NRXN3: variants seen among roughly 807,000 people sequenced by gnomAD.
NRXN3 encodes the protein neurexin III.
NRXN3 carries 32 observed loss-of-function variants against 137.6 expected under a neutral mutation model. That is an observed-to-expected ratio of 0.23 (90% CI 0.18 to 0.31). The LOEUF (loss-of-function observed/expected upper bound fraction) is 0.31, where lower values mean the gene tolerates loss of function less well. Ranked by LOEUF, NRXN3 falls within the 10% of genes least tolerant of loss-of-function variation. The probability of loss-of-function intolerance (pLI) is 1.00; values close to 1 mark genes in which losing one functional copy is unlikely to be tolerated. For synonymous variants in NRXN3, 798 were observed against 784.5 expected, an observed-to-expected ratio of 1.02 and a Z score of -0.29; for missense variants, 1,574 against 2,062.5, an observed-to-expected ratio of 0.76 and a Z score of 4.59.
At chr14:78,213,650 A>T (rs930053146) in intron 1 of NRXN3, among the ~76,000 whole-genome samples, 1 of 152,118 alleles carries the variant, frequency 6.6e-6, no homozygotes, top group Non-Finnish European at 1.5e-5. Flanking sequence ...AGTGGCCGCA[A>T]TGTGAATGCA....
chr14:78,410,063 T>C (rs574965705), intron 4 of NRXN3, among the ~76,000 whole-genome samples: 114 of 152,320 alleles, frequency 7.5e-4, no homozygotes, highest in African/African-American at 2.6e-3. Flanking sequence ...TAGGGGGAGA[T>C]ATAACAGTTA....
At chr14:79,549,704 G>A (rs192023644) in intron 16 of NRXN3, among the ~76,000 whole-genome samples, 161 of 152,122 alleles carry the variant, frequency 1.1e-3, no homozygotes, top group Non-Finnish European at 2.0e-3. Flanking sequence ...CTGGGTCCCC[G>A]GGGCCAGCAT....
intron 4 of NRXN3, among the ~76,000 whole-genome samples, chr14:78,529,827 CA>C (rs1281821188): frequency 2.0e-4 from 30 of 152,184 alleles, no homozygotes; most frequent in African/African-American, 7.0e-4. Flanking sequence ...ACCTTGCTAC[CA>C]CATGGCCTTT....
intron 15 of NRXN3, among the ~76,000 whole-genome samples, chr14:79,061,176 C>A (rs894101347): frequency 6.6e-6 from 1 of 152,162 alleles, no homozygotes; most frequent in East Asian, 1.9e-4. Flanking sequence ...GTGCTAAACA[C>A]TGGGGAGACA....
Position 79,865,925 on chromosome 14 carries a change from ACTC to A in NRXN3, c.*3967_*3969del, listed in dbSNP as rs1344062832. On this transcript the variant is annotated 3_prime_UTR_variant, in exon 21 of 21. Transcript: ENST00000335750. Reference sequence around the variant, plus strand: ...AATGCTGGGATTATAGGTGTGAGCCACTCCTCCTGAAATCTTTCTAAATCTCAC... The same window carrying A: ...AATGCTGGGATTATAGGTGTGAGCCACTCCTGAAATCTTTCTAAATCTCAC... 3 of 152,118 alleles carry A rather than the reference ACTC, an allele frequency of 2.0e-5. No homozygotes were observed. Among genetic ancestry groups the A allele is most frequent in the African/African-American group, 7.2e-5 (3 of 41,404 alleles). 9.4% of individuals were successfully genotyped at this position (152,118 alleles called of 1,614,324 possible). A position where few individuals can be genotyped will look rare whatever the true frequency, so the allele number is the denominator to read the frequency against.
chr14:79,714,026 C>T (rs2098815199), intron 19 of NRXN3, among the ~76,000 whole-genome samples: 1 of 151,998 alleles, frequency 6.6e-6, no homozygotes, highest in African/African-American at 2.4e-5. Flanking sequence ...GCTTTATCAC[C>T]ATAATATATT....
intron 15 of NRXN3, among the ~76,000 whole-genome samples, chr14:79,432,102 G>A (rs1157140677): frequency 1.7e-5 from 2 of 117,808 alleles, no homozygotes; most frequent in African/African-American, 6.5e-5. Context: ...GGGCCCCTCA[G>A]TGTAATATCT....
At chr14:79,575,118 CTGA>C (rs1277568510) in intron 16 of NRXN3, among the ~76,000 whole-genome samples, 1 of 152,132 alleles carries the variant, frequency 6.6e-6, no homozygotes, top group African/African-American at 2.4e-5. Context: ...TGCAATCCGT[CTGA>C]TAAGGGAAGT....
chr14:78,643,834 G>C (rs997267645), intron 4 of NRXN3, among the ~76,000 whole-genome samples: 2 of 152,274 alleles, frequency 1.3e-5, no homozygotes, highest in Non-Finnish European at 2.9e-5. Flanking sequence ...CAATATGTAT[G>C]GTTTGCCTTT....
chr14:78,972,693 G>A (rs2099447244), intron 14 of NRXN3, among the ~76,000 whole-genome samples: 1 of 152,082 alleles, frequency 6.6e-6, no homozygotes, highest in South Asian at 2.1e-4. Context: ...TGGTCTGCGC[G>A]TCCCCCTCTG....
At chr14:78,683,422 T>C (rs1287051429) in intron 6 of NRXN3, among the ~76,000 whole-genome samples, 1 of 152,192 alleles carries the variant, frequency 6.6e-6, no homozygotes, top group East Asian at 1.9e-4. Context: ...AACGTTTGAG[T>C]TACGAGATCA....
intron 15 of NRXN3, among the ~76,000 whole-genome samples, chr14:79,323,806 C>A (rs2090436757): frequency 6.6e-6 from 1 of 151,962 alleles, no homozygotes; most frequent in African/African-American, 2.4e-5. Flanking sequence ...TGCAGTGAGC[C>A]TAGATTGCGC....
chr14:78,326,168 T>C (rs752808437), intron 4 of NRXN3, among the ~76,000 whole-genome samples: 47 of 152,234 alleles, frequency 3.1e-4, no homozygotes, highest in Middle Eastern at 3.4e-3. Context: ...CACCCAACAT[T>C]TTTTATGGGG....
chr14:79,316,450 C>G (rs958071293), intron 15 of NRXN3, among the ~76,000 whole-genome samples: 1 of 152,138 alleles, frequency 6.6e-6, no homozygotes. Flanking sequence ...GAAAATGACT[C>G]AGGTCCCCTG....
chr14:79,604,971 G>A (rs1260428963), intron 16 of NRXN3, among the ~76,000 whole-genome samples: 1 of 152,138 alleles, frequency 6.6e-6, no homozygotes, highest in Non-Finnish European at 1.5e-5. Context: ...GGTGGAGGCT[G>A]CAGTGAGCCG....
intron 5 of NRXN3, among the ~76,000 whole-genome samples, chr14:78,650,952 T>C (rs1261849073): frequency 6.6e-6 from 1 of 152,198 alleles, no homozygotes. Context: ...AAGTCATCCA[T>C]GAGTCTGCAG....
At chr14:79,332,585 C>G (rs1249194722) in intron 15 of NRXN3, among the ~76,000 whole-genome samples, 1 of 152,116 alleles carries the variant, frequency 6.6e-6, no homozygotes, top group East Asian at 1.9e-4. Context: ...AGAAACATTC[C>G]TTCAATGCAT....
At chr14:79,369,470 G>T (rs2094013084) in intron 15 of NRXN3, among the ~76,000 whole-genome samples, 1 of 152,184 alleles carries the variant, frequency 6.6e-6, no homozygotes, top group Non-Finnish European at 1.5e-5. Context: ...TAGGTACTTA[G>T]AAAAGTCGAT....
In NRXN3 at chr14:78,562,021, A is replaced by C. The variant is rs55733514; in HGVS notation, c.758-83099A>C. 8.4e-4 allele frequency among the ~76,000 whole-genome samples: 128 copies of C among 152,296 alleles called. 1 individual carries two copies. The highest frequency in any genetic ancestry group is 1.5e-3 in the Non-Finnish European group (105 of 68,024). On this transcript the variant is annotated intron_variant, in intron 4 of 20. Coordinates refer to ENST00000335750, the MANE Select transcript of NRXN3 (RefSeq NM_001330195.2). ...AATGTATCCTTGACATTCTGTCATC[A>C]AGATTAAGAGGTAGACTCTCTCTCT...
Sources: allele counts gnomAD v4.1 joint callset (sites outside exome capture counted in the v4.1 genomes callset), GRCh38; gene constraint gnomAD v4.1.1; transcripts MANE v1.5; gene names NCBI Gene and HGNC (gene_info 2026-07-23, HGNC 2026-07-21).